ULK4: variants seen among roughly 807,000 people sequenced by gnomAD.
ULK4 encodes unc-51 like kinase 4.
Under a neutral mutation model 160.6 loss-of-function variants are expected in ULK4, and 133 were observed. The ratio of observed to expected loss-of-function variants is 0.83; its 90% confidence interval spans 0.72 to 0.96. The LOEUF (loss-of-function observed/expected upper bound fraction) is 0.96. Among genes scored for constraint, ULK4 ranks in the 40% least tolerant of loss-of-function variants. The pLI is 0.00. For synonymous variants in ULK4, 534 were observed against 539.8 expected, an observed-to-expected ratio of 0.99 and a Z score of 0.15; for missense variants, 1,580 against 1,499.5, an observed-to-expected ratio of 1.05 and a Z score of -0.89.
At chr3:41,709,842 ATG>A (rs2037030739) in intron 25 of ULK4, among the ~76,000 whole-genome samples, 2 of 152,190 alleles carry the variant, frequency 1.3e-5, no homozygotes, top group African/African-American at 4.8e-5. Context: ...ACTTAAACAC[ATG>A]TACGTAAATG....
chr3:41,329,024 G>C (rs962374064), intron 35 of ULK4, among the ~76,000 whole-genome samples: 1 of 152,082 alleles, frequency 6.6e-6, no homozygotes, highest in Non-Finnish European at 1.5e-5. Context: ...TTCCACCACT[G>C]AAAAAATTCC....
At chr3:41,584,807 C>A (rs994710907) in intron 31 of ULK4, among the ~76,000 whole-genome samples, 2 of 152,016 alleles carry the variant, frequency 1.3e-5, no homozygotes, top group African/African-American at 4.8e-5. Flanking sequence ...AACAGAATAA[C>A]CAAGAACAAT....
intron 35 of ULK4, among the ~76,000 whole-genome samples, chr3:41,333,238 G>A (rs2080483682): frequency 6.6e-6 from 1 of 152,174 alleles, no homozygotes; most frequent in South Asian, 2.1e-4. Flanking sequence ...TGGGACCATG[G>A]AAGTTAATGT....
chr3:41,949,323 C>T (rs1467070432), intron 2 of ULK4, among the ~76,000 whole-genome samples: 1 of 151,892 alleles, frequency 6.6e-6, no homozygotes, highest in Admixed American at 6.6e-5. Flanking sequence ...CAGACACACA[C>T]ACACACACAC....
chr3:41,665,347 C>CA (rs546848998), intron 29 of ULK4, among the ~76,000 whole-genome samples: 153 of 151,514 alleles, frequency 1.0e-3, no homozygotes, highest in African/African-American at 2.2e-3. Context: ...ATAAGAAAAA[C>CA]AAAAAAAAGC....
chr3:41,954,137 A>C (rs1040565326), intron 2 of ULK4, among the ~76,000 whole-genome samples: 1 of 148,944 alleles, frequency 6.7e-6, no homozygotes, highest in Non-Finnish European at 1.5e-5. Flanking sequence ...AGACCGTGCC[A>C]CTGCACTCTA....
chr3:41,484,458 C>CTTTT (rs369059587), intron 32 of ULK4, among the ~76,000 whole-genome samples: 20 of 134,932 alleles, frequency 1.5e-4, no homozygotes, highest in Admixed American at 3.1e-4. Flanking sequence ...CTTTCTTTTC[C>CTTTT]TTTTTTTGTT....
At chr3:41,690,009 C>T (rs1559487131) in intron 27 of ULK4, among the ~76,000 whole-genome samples, 1 of 148,522 alleles carries the variant, frequency 6.7e-6, no homozygotes, top group Non-Finnish European at 1.5e-5. Context: ...TACTGCGGCA[C>T]TATTCACAAT....
chr3:41,274,226 G>T (rs187497974), intron 35 of ULK4, among the ~76,000 whole-genome samples: 7 of 152,058 alleles, frequency 4.6e-5, no homozygotes, highest in African/African-American at 1.4e-4. Context: ...CTCTTCTTTT[G>T]GCTGTTTCAA....
chr3:41,405,841 G>A (rs895474003), intron 34 of ULK4, among the ~76,000 whole-genome samples: 1 of 150,194 alleles, frequency 6.7e-6, no homozygotes, highest in Non-Finnish European at 1.5e-5. Context: ...TTTTTGTTTT[G>A]CTTTTTCAAT....
At chr3:41,811,292 G>C (rs769815820) in intron 19 of ULK4, among the ~76,000 whole-genome samples, 6 of 152,130 alleles carry the variant, frequency 3.9e-5, no homozygotes, top group African/African-American at 1.2e-4. Flanking sequence ...AAACTCCTGG[G>C]CTCAAACGAT....
chr3:41,281,942 C>T, intron 35 of ULK4, among the ~76,000 whole-genome samples: 1 of 152,164 alleles, frequency 6.6e-6, no homozygotes, highest in Non-Finnish European at 1.5e-5. Context: ...TGATAAGCAA[C>T]TTCAGCAAAG....
Position 41,910,787 on chromosome 3 carries a change from C to T in ULK4, c.1085+530G>A, listed in dbSNP as rs1049916362. The stretch of plus-strand genomic sequence containing the variant: ...GAGTTTGAGACCAGCCTGAGCAACA[C>T]GGCAAAACACCATCTCTACAAAAAA... On this transcript the variant is annotated intron_variant, in intron 11 of 36. Transcript: ENST00000301831. 2.6e-5 allele frequency among the ~76,000 whole-genome samples: 4 copies of T among 151,936 alleles called. No individual in the cohort carries two copies. In the East Asian group the frequency reaches 5.8e-4, roughly 22 times the overall value.
chr3:41,475,299 A>C (rs2084106292), intron 32 of ULK4, among the ~76,000 whole-genome samples: 1 of 152,182 alleles, frequency 6.6e-6, no homozygotes, highest in Non-Finnish European at 1.5e-5. Context: ...AAATACAAAG[A>C]AGCAGAGAGT....
At chr3:41,470,016 C>A (rs890211080) in intron 32 of ULK4, among the ~76,000 whole-genome samples, 8 of 3,908 alleles carry the variant, frequency 2.0e-3, no homozygotes, top group Admixed American at 8.1e-3. Flanking sequence ...AGAAACAGAA[C>A]AGAAAAAAAA....
intron 21 of ULK4, among the ~76,000 whole-genome samples, chr3:41,756,526 T>C (rs901938553): frequency 6.6e-6 from 1 of 151,674 alleles, no homozygotes; most frequent in African/African-American, 2.4e-5. Context: ...CATGAAGAAG[T>C]AAAAAAAGGA....
At chr3:41,593,281 A>G (rs1393563246) in intron 31 of ULK4, among the ~76,000 whole-genome samples, 2 of 152,194 alleles carry the variant, frequency 1.3e-5, no homozygotes, top group Non-Finnish European at 2.9e-5. Context: ...AAGACTTTCA[A>G]AGAAGTGATG....
intron 35 of ULK4, among the ~76,000 whole-genome samples, chr3:41,252,880 A>G (rs556496941): frequency 6.6e-6 from 1 of 152,278 alleles, no homozygotes; most frequent in African/African-American, 2.4e-5. Context: ...TGCTGAAGAC[A>G]AAGGATGTTG....
intron 22 of ULK4, among the ~76,000 whole-genome samples, chr3:41,728,929 T>C (rs1039345682): frequency 6.6e-6 from 1 of 152,132 alleles, no homozygotes; most frequent in Non-Finnish European, 1.5e-5. Flanking sequence ...AAACACACAA[T>C]GCCTATGATG....
Sources: allele counts gnomAD v4.1 joint callset (sites outside exome capture counted in the v4.1 genomes callset), GRCh38; gene constraint gnomAD v4.1.1; transcripts MANE v1.5; gene names NCBI Gene and HGNC (gene_info 2026-07-23, HGNC 2026-07-21).